The following DPH6 variants were observed in gnomAD, a reference collection of about 807,000 sequenced individuals.
DPH6 encodes diphthine--ammonia ligase.
DPH6 carries 33 observed loss-of-function variants against 38.2 expected under a neutral mutation model. That is an observed-to-expected ratio of 0.86 (90% confidence interval 0.65 to 1.15). The LOEUF (loss-of-function observed/expected upper bound fraction) is 1.15. Ranked by LOEUF, DPH6 falls within the 50% of genes most tolerant of loss-of-function variation. The probability of loss-of-function intolerance (pLI) is 0.00; values close to 1 mark genes in which losing one functional copy is unlikely to be tolerated. For synonymous variants in DPH6, 108 were observed against 103.0 expected, an observed-to-expected ratio of 1.05 and a Z score of -0.30; for missense variants, 325 against 320.0, an observed-to-expected ratio of 1.02 and a Z score of -0.12.
At chr15:35,533,674 ATTAT>A (rs2055122414) in intron 3 of DPH6, among the ~76,000 whole-genome samples, 1 of 135,626 alleles carries the variant, frequency 7.4e-6, no homozygotes, top group South Asian at 2.3e-4. Context: ...TATTAAATTT[ATTAT>A]TTATGTATTT....
At chr15:35,233,033 C>T (rs984132070) in intron 3 of DPH6, among the ~76,000 whole-genome samples, 3 of 152,066 alleles carry the variant, frequency 2.0e-5, no homozygotes, top group African/African-American at 2.4e-5. Context: ...AGGGACTGGC[C>T]GTGGTGGCTC....
Position 35,520,271 on chromosome 15 carries a change from C to T in DPH6, c.312+18003G>A, listed in dbSNP as rs991242224. On this transcript the variant is annotated intron_variant, in intron 3 of 8. Coordinates refer to ENST00000256538, the MANE Select transcript of DPH6 (RefSeq NM_080650.4). ...GAAGAAGAATCAAAACTGAAATCCT[C>T]GCCTATTTTAAGCATAATTTTATTA... 17 of 945,850 alleles carry T rather than the reference C, an allele frequency of 1.8e-5. No individual in the cohort carries two copies. The South Asian group carries it at 5.4e-4, about 30-fold the overall frequency. 58.6% of individuals were successfully genotyped at this position (945,850 alleles called of 1,614,324 possible). A position where few individuals can be genotyped will look rare whatever the true frequency, so the allele number is the denominator to read the frequency against.
chr15:35,373,731 T>C lies in DPH6; in HGVS notation c.663-123A>G, dbSNP rs541495766. On this transcript the variant is annotated intron_variant, in intron 7 of 8. Transcript: ENST00000256538. ...TATTTATCTCCATTGGTATACAACA[T>C]GTAGTGATTAATAAATATTTTTAAT... 4 of 566,702 alleles carry C rather than the reference T, an allele frequency of 7.1e-6. No individual in the cohort carries two copies. In the East Asian group the frequency reaches 1.0e-4, roughly 14 times the overall value. 35.1% of individuals were successfully genotyped at this position (566,702 alleles called of 1,614,324 possible). A position where few individuals can be genotyped will look rare whatever the true frequency, so the allele number is the denominator to read the frequency against.
At chr15:35,222,916 C>G (rs2051452279) in intron 3 of DPH6, among the ~76,000 whole-genome samples, 1 of 152,102 alleles carries the variant, frequency 6.6e-6, no homozygotes, top group South Asian at 2.1e-4. Flanking sequence ...TCGTAGCTAT[C>G]TTATTTAGGA....
At chr15:35,332,532 AC>A (rs1435833085) in intron 3 of DPH6, among the ~76,000 whole-genome samples, 1 of 152,144 alleles carries the variant, frequency 6.6e-6, no homozygotes, top group Non-Finnish European at 1.5e-5. Context: ...TCTTAATTGT[AC>A]TTTTTAAAAG....
At chr15:35,446,479 A>G (rs1595569265) in intron 5 of DPH6, among the ~76,000 whole-genome samples, 1 of 152,008 alleles carries the variant, frequency 6.6e-6, no homozygotes, top group Non-Finnish European at 1.5e-5. Context: ...TTGGGCTCCT[A>G]AAGTCCTGGG....
intron 5 of DPH6, among the ~76,000 whole-genome samples, chr15:35,445,330 A>G (rs961726913): frequency 2.0e-4 from 31 of 151,996 alleles, no homozygotes; most frequent in Non-Finnish European, 1.5e-5. Context: ...AAGGAGTGCA[A>G]AAGTCCTACT....
At chr15:35,542,567 A>G in intron 1 of DPH6, 60 bp from the exon 2 acceptor site, 1 of 1,393,174 alleles carries the variant, frequency 7.2e-7, no homozygotes. Flanking sequence ...TCAACATAAA[A>G]TCACTAGATA....
intron 6 of DPH6, among the ~76,000 whole-genome samples, chr15:35,393,683 T>C (rs961238664): frequency 1.3e-5 from 2 of 152,156 alleles, no homozygotes; most frequent in Non-Finnish European, 2.9e-5. Flanking sequence ...GATTCTTTTA[T>C]GGCCCACTTC....
intron 1 of DPH6, among the ~76,000 whole-genome samples, chr15:35,544,952 T>C (rs2055322319): frequency 6.6e-6 from 1 of 152,200 alleles, no homozygotes; most frequent in Admixed American, 6.5e-5. Context: ...ATCATTTATG[T>C]TACAGAGGAC....
chr15:35,428,186 T>C (rs1470547943), intron 5 of DPH6, among the ~76,000 whole-genome samples: 2 of 152,092 alleles, frequency 1.3e-5, no homozygotes, highest in Non-Finnish European at 2.9e-5. Context: ...AGTTTTTTTA[T>C]GTATTTAAAT....
At chr15:35,419,648 A>G (rs1212851442) in intron 5 of DPH6, among the ~76,000 whole-genome samples, 1 of 152,190 alleles carries the variant, frequency 6.6e-6, no homozygotes, top group East Asian at 1.9e-4. Context: ...AAAGATAGCT[A>G]TACTAACCTT....
intron 5 of DPH6, among the ~76,000 whole-genome samples, chr15:35,419,767 G>A (rs2053481626): frequency 6.6e-6 from 1 of 152,096 alleles, no homozygotes; most frequent in Non-Finnish European, 1.5e-5. Context: ...AAATATATAT[G>A]CACCCAACAT....
the DPH6 span, among the ~76,000 whole-genome samples, chr15:35,202,857 C>T: frequency 6.6e-6 from 1 of 151,686 alleles, no homozygotes; most frequent in East Asian, 1.9e-4. Flanking sequence ...GAGACACAAC[C>T]AGCACACAGA....
Position 35,310,013 on chromosome 15 carries a change from CCT to C in DPH6, n.200+63506_200+63507del, listed in dbSNP as rs1038499185. 7.2e-5 allele frequency among the ~76,000 whole-genome samples: 11 copies of C among 152,084 alleles called. No individual in the cohort carries two copies. The East Asian group carries it at 1.5e-3, about 21-fold the overall frequency. ...GCCTAGAAGAAAACTTTTTTTTCCCCCTGTGTCACAGTAGTTTTAGAGCAGTG... is the reference window on the plus strand; with the variant it reads ...GCCTAGAAGAAAACTTTTTTTTCCCCGTGTCACAGTAGTTTTAGAGCAGTG... On this transcript the variant is annotated intron_variant and non_coding_transcript_variant, in intron 3 of 3. Transcript: ENST00000560386.
downstream of DPH6, among the ~76,000 whole-genome samples, chr15:35,213,867 C>A (rs2140380102): frequency 6.6e-6 from 1 of 152,344 alleles, no homozygotes; most frequent in South Asian, 2.1e-4. Context: ...AATCCCAGCA[C>A]TTTGGGAGGC....
At chr15:35,487,015 C>T (rs1041626300) in intron 3 of DPH6, among the ~76,000 whole-genome samples, 1 of 152,178 alleles carries the variant, frequency 6.6e-6, no homozygotes, top group African/African-American at 2.4e-5. Flanking sequence ...CTTGAAACTC[C>T]AAAATCTCCT....
rs929780520 is a variant in DPH6 at position 35,225,457 on chromosome 15, T to C, written n.201-4875A>G. Among the ~76,000 whole-genome samples the C allele has an allele frequency of 2.0e-5, 3 of 152,224 alleles. No individual in the cohort carries two copies. In the East Asian group the frequency reaches 5.8e-4, roughly 29 times the overall value. ...TTTATATCAGTATAATAAAGTTATG[T>C]ATATGGTTTTTATACTTTAAATTTT... On this transcript the variant is annotated intron_variant and non_coding_transcript_variant, in intron 3 of 3. Transcript: ENST00000560386.
chr15:35,347,697 G>T (rs549494448), intron 3 of DPH6, among the ~76,000 whole-genome samples: 2 of 151,842 alleles, frequency 1.3e-5, no homozygotes, highest in Non-Finnish European at 2.9e-5. Flanking sequence ...TTGAGGAACC[G>T]CCATACTATT....
Sources: gnomAD v4.1 joint callset for allele counts (sites outside exome capture counted in the v4.1 genomes callset) on GRCh38, gnomAD v4.1.1 for gene constraint, MANE v1.5 for transcripts, NCBI Gene and HGNC (gene_info 2026-07-23, HGNC 2026-07-21) for gene names.